The following TMEM117 variants were observed in gnomAD, a reference collection of about 807,000 sequenced individuals.
TMEM117 encodes transmembrane protein 117.
In TMEM117, 27 loss-of-function variants were observed where a neutral mutation model predicts 52.4. That is an observed-to-expected ratio of 0.51 (90% CI 0.38 to 0.71). The LOEUF is 0.71. Ranked by LOEUF, TMEM117 falls within the 30% of genes least tolerant of loss-of-function variation. The pLI is 0.00. For missense variants in TMEM117, 556 were observed against 630.5 expected, an observed-to-expected ratio of 0.88 and a Z score of 1.26; for synonymous variants, 215 against 206.3, an observed-to-expected ratio of 1.04 and a Z score of -0.36.
At chr12:44,255,635 A>T (rs188627371) in intron 5 of TMEM117, among the ~76,000 whole-genome samples, 1 of 152,250 alleles carries the variant, frequency 6.6e-6, no homozygotes, top group Admixed American at 6.6e-5. Context: ...TAAAAGCAGG[A>T]TATAAACTTG....
At chr12:43,938,460 A>G (rs1466848462) in intron 2 of TMEM117, among the ~76,000 whole-genome samples, 1 of 151,896 alleles carries the variant, frequency 6.6e-6, no homozygotes, top group Non-Finnish European at 1.5e-5. Context: ...AGCAGCCCTC[A>G]GGTTGTTATG....
At chr12:43,898,830 T>G (rs2137499591) in intron 2 of TMEM117, among the ~76,000 whole-genome samples, 1 of 152,348 alleles carries the variant, frequency 6.6e-6, no homozygotes, top group East Asian at 1.9e-4. Context: ...TAAGAAGATC[T>G]ACCGAAAGTA....
intron 3 of TMEM117, among the ~76,000 whole-genome samples, chr12:43,959,407 T>A (rs10785484): frequency 0.95 from 144,135 of 152,268 alleles, 68,708 homozygotes; most frequent in East Asian, 1. Context: ...TCAAGGCTGA[T>A]TTATCATTTA....
At chr12:44,247,355 G>C (rs10506242) in intron 5 of TMEM117, among the ~76,000 whole-genome samples, 4,655 of 152,290 alleles carry the variant, frequency 0.031, 107 homozygotes, top group Admixed American at 0.044. Context: ...AACAGGATGA[G>C]ACGGCAACAT....
intron 3 of TMEM117, among the ~76,000 whole-genome samples, chr12:44,060,217 AT>A (rs1947118146): frequency 6.6e-6 from 1 of 152,152 alleles, no homozygotes; most frequent in East Asian, 1.9e-4. Flanking sequence ...GTCTTCTGGC[AT>A]TGTCTTTCTT....
intron 3 of TMEM117, among the ~76,000 whole-genome samples, chr12:44,035,106 G>A (rs1440442591): frequency 2.0e-5 from 3 of 152,208 alleles, no homozygotes; most frequent in African/African-American, 7.2e-5. Flanking sequence ...TCTCGCGCTT[G>A]CAGATGGCAG....
chr12:44,351,396 C>T (rs1168650770), intron 6 of TMEM117, among the ~76,000 whole-genome samples: 1 of 151,766 alleles, frequency 6.6e-6, no homozygotes, highest in Non-Finnish European at 1.5e-5. Flanking sequence ...CTTTGGTTTC[C>T]TGTGTTTGCA....
downstream of TMEM117, among the ~76,000 whole-genome samples, chr12:44,392,187 G>A (rs191373259): frequency 1.6e-3 from 239 of 152,266 alleles, 3 homozygotes; most frequent in African/African-American, 5.3e-3. Context: ...AAGTTTAGAT[G>A]TAGTATTTAT....
At chr12:44,342,663 A>G (rs1951433251) in intron 6 of TMEM117, among the ~76,000 whole-genome samples, 1 of 151,312 alleles carries the variant, frequency 6.6e-6, no homozygotes, top group Non-Finnish European at 1.5e-5. Context: ...AAAAAGACTC[A>G]TTAAATATCT....
At chr12:44,023,800 C>G (rs1946490049) in intron 3 of TMEM117, among the ~76,000 whole-genome samples, 3 of 121,786 alleles carry the variant, frequency 2.5e-5, no homozygotes, top group Non-Finnish European at 4.8e-5. Flanking sequence ...ACATCACACT[C>G]CGGGGACTGT....
intron 5 of TMEM117, among the ~76,000 whole-genome samples, chr12:44,270,413 G>C (rs1950431998): frequency 6.6e-6 from 1 of 152,046 alleles, no homozygotes; most frequent in Non-Finnish European, 1.5e-5. Flanking sequence ...TTGATTTTCA[G>C]CTTGGTCGCT....
chr12:44,055,073 A>C (rs1348752489), intron 3 of TMEM117, among the ~76,000 whole-genome samples: 2 of 152,196 alleles, frequency 1.3e-5, no homozygotes, highest in African/African-American at 2.4e-5. Flanking sequence ...TATAATAGGT[A>C]GGCAATGGAT....
chr12:44,347,792 T>A (rs1951508360), intron 6 of TMEM117, among the ~76,000 whole-genome samples: 2 of 152,056 alleles, frequency 1.3e-5, no homozygotes, highest in Non-Finnish European at 2.9e-5. Context: ...CTGTACCCTG[T>A]CATCAGAATT....
intron 4 of TMEM117, among the ~76,000 whole-genome samples, chr12:44,147,931 CAAA>C (rs61271123): frequency 8.1e-5 from 5 of 61,774 alleles, no homozygotes; most frequent in African/African-American, 1.2e-4. Flanking sequence ...GACTCTGTCT[CAAA>C]AAAAAAAAAA....
rs1555191243 is a variant in TMEM117 at position 43,991,451 on chromosome 12, A to ATCTATCTG, written c.410+47116_410+47117insGTCTATCT. On this transcript the variant is annotated intron_variant, in intron 3 of 7. Coordinates refer to ENST00000266534, the MANE Select transcript of TMEM117 (RefSeq NM_032256.3). ...AATATTTATTGTTATCTATCTATCT[A>ATCTATCTG]TCTATCTATCTATCTATCTATCTAA... Among the ~76,000 whole-genome samples the ATCTATCTG allele has an allele frequency of 2.1e-3, 322 of 151,870 alleles. 3 individuals are homozygous for ATCTATCTG. Among genetic ancestry groups the ATCTATCTG allele is most frequent in the African/African-American group, 7.1e-3 (292 of 41,374 alleles).
At chr12:44,303,607 T>G (rs1020389538) in intron 6 of TMEM117, among the ~76,000 whole-genome samples, 1 of 152,250 alleles carries the variant, frequency 6.6e-6, no homozygotes, top group African/African-American at 2.4e-5. Flanking sequence ...TCACACATGC[T>G]ACGTACAGGA....
chr12:44,308,619 CTT>C (rs35047531), intron 6 of TMEM117, among the ~76,000 whole-genome samples: 34 of 137,848 alleles, frequency 2.5e-4, no homozygotes, highest in Admixed American at 5.1e-4. Context: ...TTCTTTGTAA[CTT>C]TTTTTTTTTT....
chr12:44,229,038 A>G (rs1949900791), intron 5 of TMEM117, among the ~76,000 whole-genome samples: 1 of 152,108 alleles, frequency 6.6e-6, no homozygotes. Flanking sequence ...AGAGATGTAC[A>G]TAGATTTGGA....
intron 3 of TMEM117, among the ~76,000 whole-genome samples, chr12:44,033,335 A>G (rs1398375953): frequency 6.6e-6 from 1 of 152,198 alleles, no homozygotes; most frequent in Non-Finnish European, 1.5e-5. Flanking sequence ...TCGAGTAGCC[A>G]TTCTTTTATT....
Sources: gnomAD v4.1 joint callset for allele counts (sites outside exome capture counted in the v4.1 genomes callset) on GRCh38, gnomAD v4.1.1 for gene constraint, MANE v1.5 for transcripts, NCBI Gene and HGNC (gene_info 2026-07-23, HGNC 2026-07-21) for gene names.